Variants in RNF138 observed in about 807,000 individuals in gnomAD.
RNF138 encodes the protein ring finger protein 138, also known as E3 ubiquitin-protein ligase RNF138.
RNF138 carries 12 observed loss-of-function variants against 31.0 expected under a neutral mutation model. That is an observed-to-expected ratio of 0.39 (90% CI 0.25 to 0.63). The LOEUF is 0.63. Ranked by LOEUF, RNF138 falls within the 20% of genes least tolerant of loss-of-function variation. The pLI is 0.52. For missense variants in RNF138, 192 were observed against 300.1 expected, an observed-to-expected ratio of 0.64 and a Z score of 2.66; for synonymous variants, 105 against 99.5, an observed-to-expected ratio of 1.06 and a Z score of -0.33.
In RNF138 at chr18:32,092,317, G is replaced by C. The variant is rs1043036058; in HGVS notation, c.-78+82G>C. Reference sequence around the variant, plus strand: ...GGAGGAAGCCGCGGACACGGGCTGGGCACTCGGGGCTCGGGGTCGGGGTGA... The same window carrying C: ...GGAGGAAGCCGCGGACACGGGCTGGCCACTCGGGGCTCGGGGTCGGGGTGA... On this transcript the variant is annotated intron_variant, in intron 1 of 7. Transcript: ENST00000261593. 4.5e-5 allele frequency: 7 copies of C among 156,050 alleles called. No homozygotes were observed. In the East Asian group the frequency reaches 7.7e-4, roughly 17 times the overall value. 9.7% of individuals were successfully genotyped at this position (156,050 alleles called of 1,614,324 possible). A position where few individuals can be genotyped will look rare whatever the true frequency, so the allele number is the denominator to read the frequency against.
At chr18:32,128,599 G>T (rs1474165506) in intron 7 of RNF138, among the ~76,000 whole-genome samples, 1 of 152,184 alleles carries the variant, frequency 6.6e-6, no homozygotes, top group African/African-American at 2.4e-5. Flanking sequence ...TCAGTTTACT[G>T]TCAGATATTT....
At chr18:32,092,962 G>A (rs1016034531) in intron 2 of RNF138, 76 bp downstream of exon 2, 6 of 821,648 alleles carry the variant, frequency 7.3e-6, no homozygotes, top group Non-Finnish European at 1.0e-5. Flanking sequence ...ACCCCGGGCT[G>A]CCGCCTGGCG....
chr18:32,096,551 A>C (rs2039809625), intron 2 of RNF138, among the ~76,000 whole-genome samples: 1 of 152,118 alleles, frequency 6.6e-6, no homozygotes, highest in Non-Finnish European at 1.5e-5. Flanking sequence ...AGTGTTGGAG[A>C]ATACTTACTT....
At chr18:32,096,277 T>C (rs950820609) in intron 2 of RNF138, among the ~76,000 whole-genome samples, 1 of 152,154 alleles carries the variant, frequency 6.6e-6, no homozygotes, top group African/African-American at 2.4e-5. Context: ...TTGGTAGTGG[T>C]GAGACTAGTG....
At chr18:32,126,073 T>TG (rs1476176704) in intron 6 of RNF138, among the ~76,000 whole-genome samples, 1 of 152,194 alleles carries the variant, frequency 6.6e-6, no homozygotes, top group African/African-American at 2.4e-5. Context: ...TATTTATCCA[T>TG]TCAGTTTTTA....
intron 2 of RNF138, among the ~76,000 whole-genome samples, chr18:32,108,705 C>G (rs1218470196): frequency 2.0e-5 from 3 of 152,120 alleles, no homozygotes; most frequent in Non-Finnish European, 4.4e-5. Flanking sequence ...GGGTCTCACT[C>G]TTGCTCAGGT....
intron 4 of RNF138, among the ~76,000 whole-genome samples, chr18:32,120,973 TA>T (rs1238910681): frequency 2.0e-5 from 3 of 151,618 alleles, no homozygotes; most frequent in Non-Finnish European, 2.9e-5. Flanking sequence ...CTGTCTCTAC[TA>T]AAAATACAAA....
intron 2 of RNF138, among the ~76,000 whole-genome samples, chr18:32,105,118 G>A (rs984528107): frequency 2.6e-5 from 4 of 152,102 alleles, no homozygotes; most frequent in African/African-American, 9.7e-5. Context: ...TTGAGATGGA[G>A]TCTCCCTCTG....
intron 4 of RNF138, among the ~76,000 whole-genome samples, chr18:32,117,126 TCCTGA>T (rs781758298): frequency 6.6e-5 from 10 of 152,014 alleles, no homozygotes; most frequent in Non-Finnish European, 1.3e-4. Context: ...GGTCTCGAAC[TCCTGA>T]CCTCAGGTGA....
intron 2 of RNF138, among the ~76,000 whole-genome samples, chr18:32,095,851 C>A (rs887925267): frequency 1.8e-4 from 27 of 152,172 alleles, no homozygotes; most frequent in Non-Finnish European, 1.0e-4. Flanking sequence ...TAATAGTCCG[C>A]TGGAGAGACC....
intron 4 of RNF138, among the ~76,000 whole-genome samples, chr18:32,122,095 C>G (rs1009600973): frequency 5.9e-5 from 9 of 152,094 alleles, no homozygotes; most frequent in Non-Finnish European, 1.2e-4. Flanking sequence ...TCTCGAACTC[C>G]TGACCTTGTG....
intron 5 of RNF138, 136 bp downstream of exon 5, chr18:32,123,710 T>C (rs2040342282): frequency 1.9e-6 from 1 of 526,868 alleles, no homozygotes; most frequent in Non-Finnish European, 3.2e-6. Context: ...TGGAGTGCAG[T>C]GGTGCGATCT....
intron 4 of RNF138, among the ~76,000 whole-genome samples, chr18:32,119,296 C>T (rs367715581): frequency 1.2e-4 from 18 of 152,266 alleles, no homozygotes; most frequent in South Asian, 1.0e-3. Flanking sequence ...GGCAGGGTCT[C>T]GCTATGTTTC....
intron 2 of RNF138, among the ~76,000 whole-genome samples, chr18:32,103,730 G>A (rs2039980483): frequency 6.6e-6 from 1 of 152,092 alleles, no homozygotes; most frequent in African/African-American, 2.4e-5. Flanking sequence ...TTGGGAGGCC[G>A]AGGCGGGTGG....
At chr18:32,102,370 T>G (rs1200938677) in intron 2 of RNF138, among the ~76,000 whole-genome samples, 1 of 151,028 alleles carries the variant, frequency 6.6e-6, no homozygotes, top group Non-Finnish European at 1.5e-5. Context: ...CCCGGCTAAT[T>G]TTTTGTATTT....
At chr18:32,098,597 C>T (rs986493836) in intron 2 of RNF138, among the ~76,000 whole-genome samples, 14 of 151,970 alleles carry the variant, frequency 9.2e-5, no homozygotes, top group African/African-American at 3.4e-4. Context: ...TCACGCCTGT[C>T]ATCCCAGCAC....
intron 1 of RNF138, 39 bp from the exon 2 acceptor site, chr18:32,092,661 T>G: frequency 1.4e-6 from 1 of 694,586 alleles, no homozygotes; most frequent in Non-Finnish European, 2.6e-6. Flanking sequence ...GCGCGCTGTA[T>G]CCTGATGCGA....
In RNF138 at chr18:32,126,785, T is replaced by A. The variant is rs1328011069; in HGVS notation, c.654T>A (p.Asp218Glu). 6.4e-7 allele frequency: 1 copy of A among 1,573,260 alleles called. No individual in the cohort carries two copies. The highest frequency in any genetic ancestry group is 1.7e-5 in the Admixed American group (1 of 59,926). The change falls in exon 7 of 8, where the codon GAT becomes GAA. Residue 218 changes from aspartate (D) to glutamate (E), a missense_variant. Transcript: ENST00000261593. ...ATCTAAATCAGAGACATCAATTTGA[T>A]TATGGAGAATTTGTGGTAAGTGAAT... ...VSHLNQRHQF[D>E]YGEFVNLQLD...
intron 4 of RNF138, among the ~76,000 whole-genome samples, chr18:32,119,385 C>T (rs910072900): frequency 2.0e-5 from 3 of 152,200 alleles, no homozygotes; most frequent in East Asian, 3.9e-4. Context: ...CAGGCATGAG[C>T]CTCTGTGGTG....
Sources: gnomAD v4.1 joint callset for allele counts (sites outside exome capture counted in the v4.1 genomes callset) on GRCh38, gnomAD v4.1.1 for gene constraint, MANE v1.5 for transcripts, NCBI Gene and HGNC (gene_info 2026-07-23, HGNC 2026-07-21) for gene names.